Variants in TPST1 observed in about 807,000 individuals in gnomAD.
TPST1 encodes the protein tyrosylprotein sulfotransferase 1, also known as protein-tyrosine sulfotransferase 1.
TPST1 carries 20 observed loss-of-function variants against 34.8 expected under a neutral mutation model. The observed-to-expected ratio is 0.57, with a 90% CI of 0.40 to 0.84. The LOEUF (loss-of-function observed/expected upper bound fraction) is 0.84, where lower values mean the gene tolerates loss of function less well. Ranked by LOEUF, TPST1 falls within the 40% of genes least tolerant of loss-of-function variation. The pLI is 0.00. For missense variants in TPST1, 353 were observed against 455.5 expected (o/e 0.78, Z 2.05); for synonymous variants, 152 against 159.4 (o/e 0.95, Z 0.35).
chr7:66,338,401 T>C (rs113806979), intron 3 of TPST1, among the ~76,000 whole-genome samples: 1,815 of 152,248 alleles, frequency 0.012, 29 homozygotes, highest in African/African-American at 0.041. Context: ...ACATCCACAC[T>C]TTCAATGTGA....
At chr7:66,205,015 C>G (rs571897687), upstream of TPST1, among the ~76,000 whole-genome samples, 335 of 152,346 alleles carry the variant, frequency 2.2e-3, no homozygotes, top group African/African-American at 7.6e-3. The surrounding 1 kb of genome is among the most constrained non-coding windows in gnomAD (Gnocchi z 5.0). Flanking sequence ...GCCACCTGCC[C>G]GCGGCTCCCC....
At chr7:66,356,078 GAC>G (rs930000717) in intron 4 of TPST1, among the ~76,000 whole-genome samples, 80 of 151,956 alleles carry the variant, frequency 5.3e-4, no homozygotes, top group Admixed American at 5.3e-4. Context: ...TGCACACAGA[GAC>G]ACACACACGT....
chr7:66,200,928 A>G (rs1789028405), upstream of TPST1, among the ~76,000 whole-genome samples: 1 of 151,784 alleles, frequency 6.6e-6, no homozygotes, highest in Non-Finnish European at 1.5e-5. Flanking sequence ...GGGTTTTACC[A>G]TGTTGACCAG....
At chr7:66,279,602 G>A (rs1790891983) in intron 2 of TPST1, among the ~76,000 whole-genome samples, 1 of 151,990 alleles carries the variant, frequency 6.6e-6, no homozygotes, top group Non-Finnish European at 1.5e-5. Context: ...GCTTATTCTG[G>A]CCAATTTACT....
intron 1 of TPST1, among the ~76,000 whole-genome samples, chr7:66,230,742 G>A (rs185837924): frequency 6.8e-4 from 104 of 152,238 alleles, no homozygotes; most frequent in Non-Finnish European, 8.1e-4. Flanking sequence ...GGACCCGAGC[G>A]GGTTGCCACT....
chr7:66,244,413 G>A (rs1790106459), intron 2 of TPST1, among the ~76,000 whole-genome samples: 1 of 152,194 alleles, frequency 6.6e-6, no homozygotes, highest in Non-Finnish European at 1.5e-5. Context: ...GACCTTCACA[G>A]TTCTGCCTCT....
chr7:66,207,799 C>T (rs1789162670), intron 1 of TPST1, among the ~76,000 whole-genome samples: 1 of 152,064 alleles, frequency 6.6e-6, no homozygotes, highest in African/African-American at 2.4e-5. Flanking sequence ...TTACCTTTTC[C>T]TTCCCTTTCT....
rs139232897 is a variant in TPST1 at position 66,326,708 on chromosome 7, A to G, written c.1045-25797A>G. On this transcript the variant is annotated intron_variant, in intron 3 of 5. Coordinates refer to ENST00000304842, the MANE Select transcript of TPST1 (RefSeq NM_003596.4). ...ACGACACATTCCCAACTCAATTCAC[A>G]TTCCAATCCATCTTGTCCAACTTCA... Among the ~76,000 whole-genome samples the G allele has an allele frequency of 8.8e-4, 134 of 152,328 alleles. 1 individual carries two copies. Among genetic ancestry groups the G allele is most frequent in the African/African-American group, 3.1e-3 (129 of 41,578 alleles).
chr7:66,311,297 C>T (rs913448118), intron 3 of TPST1, among the ~76,000 whole-genome samples: 1 of 152,060 alleles, frequency 6.6e-6, no homozygotes, highest in African/African-American at 2.4e-5. Flanking sequence ...CACCACTATG[C>T]CCAACTAATT....
chr7:66,326,557 G>A (rs965832469), intron 3 of TPST1, among the ~76,000 whole-genome samples: 1 of 152,088 alleles, frequency 6.6e-6, no homozygotes, highest in Non-Finnish European at 1.5e-5. Flanking sequence ...ATGTCCTGTG[G>A]TCAAATAATA....
At chr7:66,231,767 C>T (rs1431138606) in intron 1 of TPST1, among the ~76,000 whole-genome samples, 1 of 152,252 alleles carries the variant, frequency 6.6e-6, no homozygotes, top group Non-Finnish European at 1.5e-5. Context: ...CAGCCTTGGC[C>T]AGCCCAGAAA....
intron 3 of TPST1, among the ~76,000 whole-genome samples, chr7:66,301,858 A>C (rs971521674): frequency 6.6e-6 from 1 of 152,248 alleles, no homozygotes; most frequent in Non-Finnish European, 1.5e-5. Flanking sequence ...AAGAATTACC[A>C]CAGTGTCATA....
At chr7:66,347,827 G>C (rs1253521588) in intron 3 of TPST1, among the ~76,000 whole-genome samples, 1 of 152,046 alleles carries the variant, frequency 6.6e-6, no homozygotes, top group Admixed American at 6.5e-5. Flanking sequence ...TGTTGGTTTT[G>C]TCTTCTTCAA....
At position 66,275,656 on chromosome 7, in the gene TPST1, T is replaced by C. The variant is rs116308469; in HGVS notation, c.846-10855T>C. ...AAATACTTGGGATCTTATTTCTATGTAGAACCTAAAAAAGTCAAATTCATA... is the reference window on the plus strand; with the variant it reads ...AAATACTTGGGATCTTATTTCTATGCAGAACCTAAAAAAGTCAAATTCATA... On this transcript the variant is annotated intron_variant, in intron 2 of 5. Transcript: ENST00000304842. Among the ~76,000 whole-genome samples, 1,168 of 152,304 alleles carry C rather than the reference T, an allele frequency of 7.7e-3. 18 individuals carry two copies. Among genetic ancestry groups the C allele is most frequent in the African/African-American group, 0.026 (1,099 of 41,560 alleles).
chr7:66,203,213 A>G (rs1562790276), upstream of TPST1, among the ~76,000 whole-genome samples: 1 of 151,684 alleles, frequency 6.6e-6, no homozygotes, highest in African/African-American at 2.4e-5. Context: ...ACAAACACAC[A>G]CACACACACA....
intron 3 of TPST1, among the ~76,000 whole-genome samples, chr7:66,337,614 A>C: frequency 6.6e-6 from 1 of 152,128 alleles, no homozygotes; most frequent in Non-Finnish European, 1.5e-5. Context: ...CGGCCGACAA[A>C]ACTATTAAAA....
chr7:66,278,593 G>A (rs1790868381), intron 2 of TPST1, among the ~76,000 whole-genome samples: 1 of 152,108 alleles, frequency 6.6e-6, no homozygotes, highest in African/African-American at 2.4e-5. Flanking sequence ...GACCATCCTA[G>A]CTAACACGGT....
chr7:66,271,147 T>C lies in TPST1; in HGVS notation c.846-15364T>C, dbSNP rs2115801562. On this transcript the variant is annotated intron_variant, in intron 2 of 5. Transcript: ENST00000304842. Reference sequence around the variant, plus strand: ...CTATCTGTTGCAATTAGCATTTTTATTGAGTTCAAATTGTTCCTTCTCTGG... The same window carrying C: ...CTATCTGTTGCAATTAGCATTTTTACTGAGTTCAAATTGTTCCTTCTCTGG... Among the ~76,000 whole-genome samples the C allele has an allele frequency of 2.0e-5, 3 of 152,294 alleles. No individual in the cohort carries two copies. In the South Asian group the frequency reaches 6.2e-4, roughly 32 times the overall value.
At chr7:66,354,773 T>TAA (rs1792550853) in intron 4 of TPST1, among the ~76,000 whole-genome samples, 1 of 151,450 alleles carries the variant, frequency 6.6e-6, no homozygotes, top group African/African-American at 2.4e-5. Context: ...GGCAGGCAGA[T>TAA]TGCTTGAGTC....
Sources: allele counts gnomAD v4.1 joint callset (sites outside exome capture counted in the v4.1 genomes callset), GRCh38; gene constraint gnomAD v4.1.1; non-coding constraint Gnocchi (gnomAD v3.1); transcripts MANE v1.5; gene names NCBI Gene and HGNC (gene_info 2026-07-23, HGNC 2026-07-21).